DLG2: variants seen among roughly 807,000 people sequenced by gnomAD.
DLG2 encodes discs large MAGUK scaffold protein 2.
DLG2 carries 45 observed loss-of-function variants against 132.5 expected under a neutral mutation model. The ratio of observed to expected loss-of-function variants is 0.34; its 90% CI spans 0.27 to 0.44. DLG2 has a LOEUF of 0.44. Ranked by LOEUF, DLG2 falls within the 20% of genes least tolerant of loss-of-function variation. DLG2 has a pLI of 1.00. For synonymous variants in DLG2, 424 were observed against 419.6 expected (o/e 1.01, Z -0.13); for missense variants, 1,045 against 1,196.9 (o/e 0.87, Z 1.87).
At chr11:83,504,065 G>A (rs983003866) in intron 21 of DLG2, among the ~76,000 whole-genome samples, 1 of 151,974 alleles carries the variant, frequency 6.6e-6, no homozygotes, top group Non-Finnish European at 1.5e-5. Flanking sequence ...ACATGATAAA[G>A]GAAAAAGGAA....
intron 19 of DLG2, among the ~76,000 whole-genome samples, chr11:83,564,175 A>C (rs557329681): frequency 6.6e-6 from 1 of 152,190 alleles, no homozygotes; most frequent in South Asian, 2.1e-4. Context: ...TTTGAAACAT[A>C]TGAATATCCT....
chr11:83,653,138 A>G (rs1256515679), intron 18 of DLG2, among the ~76,000 whole-genome samples: 1 of 152,232 alleles, frequency 6.6e-6, no homozygotes, highest in Non-Finnish European at 1.5e-5. Context: ...AATTACCTGA[A>G]CAACAAAGAG....
chr11:85,533,476 T>TATATATATATATATATATAA (rs1233917527), intron 3 of DLG2, among the ~76,000 whole-genome samples: 3 of 148,558 alleles, frequency 2.0e-5, no homozygotes, highest in African/African-American at 7.4e-5. Flanking sequence ...TATATATATA[T>TATATATATATATATATATAA]AATTCTTTTT....
At chr11:85,307,158 G>T (rs2080007978) in intron 3 of DLG2, among the ~76,000 whole-genome samples, 2 of 152,190 alleles carry the variant, frequency 1.3e-5, no homozygotes, top group Non-Finnish European at 2.9e-5. Flanking sequence ...CAAGGCATGT[G>T]CTCCACAAAC....
chr11:83,933,948 G>T lies in DLG2; in HGVS notation c.1341-3465C>A, dbSNP rs536989358. ...AGGAAAAGATGCAAACATGGAGAAGGTAGCTGTAGCTGTGTCCACTAATTA... is the reference window on the plus strand; with the variant it reads ...AGGAAAAGATGCAAACATGGAGAAGTTAGCTGTAGCTGTGTCCACTAATTA... On this transcript the variant is annotated intron_variant, in intron 14 of 27. Transcript: ENST00000376104. Among the ~76,000 whole-genome samples, 4 of 152,232 alleles carry T rather than the reference G, an allele frequency of 2.6e-5. No homozygotes were observed. The East Asian group carries it at 7.7e-4, about 29-fold the overall frequency.
At chr11:84,091,399 C>G (rs1189859304) in intron 10 of DLG2, among the ~76,000 whole-genome samples, 1 of 152,174 alleles carries the variant, frequency 6.6e-6, no homozygotes, top group Non-Finnish European at 1.5e-5. Flanking sequence ...TGTCCCTCCA[C>G]CCGAGGGACT....
chr11:83,670,601 T>C (rs1297534485), intron 18 of DLG2, among the ~76,000 whole-genome samples: 1 of 151,942 alleles, frequency 6.6e-6, no homozygotes. Context: ...GATGAAGACA[T>C]TTCTTTAAAA....
chr11:84,679,018 A>T (rs1377628174), intron 6 of DLG2, among the ~76,000 whole-genome samples: 1 of 152,210 alleles, frequency 6.6e-6, no homozygotes, highest in African/African-American at 2.4e-5. Context: ...TTCTCATAGA[A>T]ATTTTGTTAC....
At chr11:84,337,652 C>A (rs997974338) in intron 7 of DLG2, among the ~76,000 whole-genome samples, 2 of 151,998 alleles carry the variant, frequency 1.3e-5, no homozygotes, top group African/African-American at 4.8e-5. Context: ...TAATTTGGTA[C>A]CTCTGACTAG....
At chr11:84,492,680 G>A (rs1456266167) in intron 7 of DLG2, among the ~76,000 whole-genome samples, 2 of 152,124 alleles carry the variant, frequency 1.3e-5, no homozygotes, top group African/African-American at 2.4e-5. Context: ...GTAAGTGTTA[G>A]TTGCTGTTTT....
At chr11:84,916,239 C>T (rs962178688) in intron 6 of DLG2, among the ~76,000 whole-genome samples, 6 of 145,224 alleles carry the variant, frequency 4.1e-5, no homozygotes, top group Non-Finnish European at 9.0e-5. Flanking sequence ...GTCCCAGCTA[C>T]TTGGGAGGCT....
chr11:85,377,674 G>A (rs1165617074), intron 3 of DLG2, among the ~76,000 whole-genome samples: 1 of 151,646 alleles, frequency 6.6e-6, no homozygotes, highest in Non-Finnish European at 1.5e-5. Flanking sequence ...TTGGACTCAA[G>A]CCCCAAATTA....
Position 84,714,623 on chromosome 11 carries a change from T to TTCTCTC in DLG2, c.358-179898_358-179893dup, listed in dbSNP as rs1284319609. 7.6e-5 allele frequency among the ~76,000 whole-genome samples: 8 copies of TTCTCTC among 104,988 alleles called. 1 individual carries two copies. The highest frequency in any genetic ancestry group is 1.2e-4 in the Non-Finnish European group (6 of 51,230). 68.9% of individuals were successfully genotyped at this position (104,988 alleles called of 152,430 possible). On this transcript the variant is annotated intron_variant, in intron 6 of 27. Coordinates refer to ENST00000376104, the MANE Select transcript of DLG2 (RefSeq NM_001142699.3). ...TTTCTCTTTCTCTTTCTCTTTCTCTTTCTCTCTCTCTCTCTCTCTCTCTTT... is the reference window on the plus strand; with the variant it reads ...TTTCTCTTTCTCTTTCTCTTTCTCTTTCTCTCTCTCTCTCTCTCTCTCTCTCTCTTT...
intron 3 of DLG2, among the ~76,000 whole-genome samples, chr11:85,570,212 T>C (rs57549298): frequency 0.24 from 36,989 of 152,080 alleles, 4,854 homozygotes; most frequent in East Asian, 0.39. Context: ...TGGATGATGA[T>C]ATTAATAAAT....
chr11:84,967,300 C>T (rs1029789727), intron 6 of DLG2, among the ~76,000 whole-genome samples: 1 of 152,040 alleles, frequency 6.6e-6, no homozygotes, highest in African/African-American at 2.4e-5. Flanking sequence ...ATGAAATATG[C>T]TGGTTGCCAG....
intron 15 of DLG2, among the ~76,000 whole-genome samples, chr11:83,915,084 G>A (rs2076706628): frequency 6.6e-6 from 1 of 152,104 alleles, no homozygotes; most frequent in South Asian, 2.1e-4. Flanking sequence ...CAGGATTCTG[G>A]AAGTTTAAAA....
At chr11:83,615,007 A>G (rs1256013357) in intron 19 of DLG2, among the ~76,000 whole-genome samples, 1 of 152,188 alleles carries the variant, frequency 6.6e-6, no homozygotes, top group East Asian at 1.9e-4. Flanking sequence ...TGTGTTTTCA[A>G]CAGCGTTTCA....
rs563226341 is a variant in DLG2 at position 85,399,662 on chromosome 11, G to C, written c.41-114297C>G. On this transcript the variant is annotated intron_variant, in intron 3 of 27. Coordinates refer to ENST00000376104, the MANE Select transcript of DLG2 (RefSeq NM_001142699.3). ...ACGATCTGAACTTTGACAAACCTGA[G>C]AAAAACAATCAATGGGGAAAGGATT... is the stretch of plus-strand genomic sequence containing the variant. Among the ~76,000 whole-genome samples the C allele has an allele frequency of 1.1e-4, 17 of 152,140 alleles. No homozygotes were observed. The East Asian group carries it at 1.7e-3, about 16-fold the overall frequency.
At chr11:85,365,420 CAA>C (rs1474603846) in intron 3 of DLG2, among the ~76,000 whole-genome samples, 1 of 152,112 alleles carries the variant, frequency 6.6e-6, no homozygotes, top group Non-Finnish European at 1.5e-5. Flanking sequence ...AGTTGAATGA[CAA>C]GAGGAAGAGT....
Sources: gnomAD v4.1 joint callset for allele counts (sites outside exome capture counted in the v4.1 genomes callset) on GRCh38, gnomAD v4.1.1 for gene constraint, MANE v1.5 for transcripts, NCBI Gene and HGNC (gene_info 2026-07-23, HGNC 2026-07-21) for gene names.